Variants in GFM2 observed in about 807,000 individuals in gnomAD.
The protein encoded by GFM2 is GTP dependent ribosome recycling factor mitochondrial 2.
Under a neutral mutation model 95.4 loss-of-function variants are expected in GFM2, and 72 were observed. The ratio of observed to expected loss-of-function variants is 0.76; its 90% CI spans 0.62 to 0.92. GFM2 has a LOEUF of 0.92. GFM2 is among the 40% of genes least tolerant of loss of function. GFM2 has a pLI of 0.00. For missense variants in GFM2, 825 were observed against 924.1 expected, an observed-to-expected ratio of 0.89 and a Z score of 1.39; for synonymous variants, 276 against 317.5, an observed-to-expected ratio of 0.87 and a Z score of 1.39.
chr5:74,749,081 C>T (rs1422322916), intron 7 of GFM2, among the ~76,000 whole-genome samples: 1 of 151,456 alleles, frequency 6.6e-6, no homozygotes, highest in Non-Finnish European at 1.5e-5. Flanking sequence ...GCAATCAAGG[C>T]TCACTGCAGC....
intron 13 of GFM2, 31 bp from the exon 14 acceptor site, chr5:74,738,448 G>T (rs981113569): frequency 5.0e-6 from 8 of 1,610,640 alleles, no homozygotes; most frequent in Non-Finnish European, 6.8e-6. Flanking sequence ...GTTAGTAAAA[G>T]TATTTTTAAA....
intron 1 of GFM2, 33 bp from the exon 2 acceptor site, chr5:74,763,799 AAACTT>A: frequency 1.5e-6 from 2 of 1,296,266 alleles, no homozygotes; most frequent in Non-Finnish European, 2.2e-6. Context: ...TCAAAAAACT[AAACTT>A]ATGTATTACA....
At chr5:74,743,507 TATTA>T (rs1743215380) in intron 10 of GFM2, among the ~76,000 whole-genome samples, 1 of 152,304 alleles carries the variant, frequency 6.6e-6, no homozygotes, top group South Asian at 2.1e-4. Context: ...ATAATTAGCA[TATTA>T]TTAGCTACTG....
chr5:74,748,889 A>ATAAAT (rs1255377165), intron 7 of GFM2, among the ~76,000 whole-genome samples: 10 of 102,550 alleles, frequency 9.8e-5, no homozygotes, highest in Admixed American at 9.6e-4. Flanking sequence ...ATAAAATAAA[A>ATAAAT]TAAATAAAAT....
rs575347222 is a variant in GFM2 at position 74,736,924 on chromosome 5, G to C, written c.1382C>G (p.Ala461Gly). Reference sequence around the variant, plus strand: ...GTGCTTCTTTTCTCCCTCCCGTTCGGCTCTACGAGCTGCAGCTAATGCACT... The same window carrying C: ...GTGCTTCTTTTCTCCCTCCCGTTCGCCTCTACGAGCTGCAGCTAATGCACT... ...KSSALAAARR[A>G]EREGEKKHRQ... The change falls in exon 15 of 21, where the codon GCC (alanine) becomes GGC (glycine). Residue 461 changes from alanine to glycine, a missense_variant. Coordinates refer to ENST00000296805, the MANE Select transcript of GFM2 (RefSeq NM_032380.5). 9.3e-6 allele frequency: 15 copies of C among 1,613,664 alleles called. No individual in the cohort carries two copies. The South Asian group carries it at 1.6e-4, about 18-fold the overall frequency.
chr5:74,738,441 A>C, intron 13 of GFM2, 24 bp from the exon 14 acceptor site: 1 of 1,610,880 alleles, frequency 6.2e-7, no homozygotes, highest in Non-Finnish European at 8.5e-7. Flanking sequence ...ATTTTATGTT[A>C]GTAAAAGTAT....
At chr5:74,729,441 A>G (rs11743655) in intron 17 of GFM2, among the ~76,000 whole-genome samples, 54,480 of 152,088 alleles carry the variant, frequency 0.36, 12,993 homozygotes, top group African/African-American at 0.68. Flanking sequence ...TACTACTCCT[A>G]CTTCCTTTTT....
chr5:74,734,912 T>C (rs1157225434), intron 15 of GFM2, among the ~76,000 whole-genome samples: 1 of 152,194 alleles, frequency 6.6e-6, no homozygotes, highest in Non-Finnish European at 1.5e-5. Flanking sequence ...CCTAAAGTAG[T>C]TAAAGGCTTG....
chr5:74,721,257 GT>G lies in GFM2; in HGVS notation c.*397del. The G allele has an allele frequency of 1.2e-6, 1 of 868,906 alleles. No individual in the cohort carries two copies. The highest frequency in any genetic ancestry group is 2.5e-4 in the Middle Eastern group (1 of 4,062). The allele number at this position is 868,906 out of a possible 1,614,324, so 53.8% of individuals were successfully genotyped here. A position where few individuals can be genotyped will look rare whatever the true frequency, so the allele number is the denominator to read the frequency against. Reference sequence around the variant, plus strand: ...ATCATGTAAAATAAGATATTAGACTGTTTTTTGAATAAAATATTTTTATTGA... The same window carrying G: ...ATCATGTAAAATAAGATATTAGACTGTTTTTGAATAAAATATTTTTATTGA... On this transcript the variant is annotated 3_prime_UTR_variant, in exon 21 of 21. Transcript: ENST00000296805.
intron 14 of GFM2, among the ~76,000 whole-genome samples, chr5:74,737,653 G>T (rs1045536560): frequency 4.9e-4 from 75 of 152,086 alleles, no homozygotes; most frequent in African/African-American, 1.7e-3. Flanking sequence ...TCTACTGAAG[G>T]ATCTTCAAAC....
At chr5:74,762,221 C>T (rs540214614) in intron 2 of GFM2, among the ~76,000 whole-genome samples, 1 of 152,278 alleles carries the variant, frequency 6.6e-6, no homozygotes, top group Non-Finnish European at 1.5e-5. Context: ...AATGGTAAGG[C>T]TTCTTAAGGG....
At chr5:74,764,778 GTTTTTTTTTTTTTTT>G (rs757160377) in intron 1 of GFM2, among the ~76,000 whole-genome samples, 2 of 70,488 alleles carry the variant, frequency 2.8e-5, no homozygotes, top group South Asian at 1.1e-3. Flanking sequence ...TCCCTTTGTT[GTTTTTTTTTTTTTTT>G]TTTTTTTTTT....
intron 19 of GFM2, among the ~76,000 whole-genome samples, chr5:74,724,548 A>C (rs928792839): frequency 2.6e-5 from 4 of 152,036 alleles, no homozygotes; most frequent in African/African-American, 9.7e-5. Context: ...ACTACTTTGC[A>C]GGTAACATTT....
rs16872254 is a variant in GFM2 at position 74,763,550 on chromosome 5, G to C, written c.63+130C>G. 9.5e-3 allele frequency: 4,804 copies of C among 503,738 alleles called. 194 individuals carry two copies. The highest frequency in any genetic ancestry group is 0.083 in the African/African-American group (4,323 of 52,112). 31.2% of individuals were successfully genotyped at this position (503,738 alleles called of 1,614,324 possible). ...AGGTAATTACTTTCAAATTAGTTTA[G>C]CTTGAAGATTTCCAAAGGTTATGAC... is the stretch of plus-strand genomic sequence containing the variant. On this transcript the variant is annotated intron_variant, in intron 2 of 20. Coordinates refer to ENST00000296805, the MANE Select transcript of GFM2 (RefSeq NM_032380.5).
Position 74,748,684 on chromosome 5 carries a change from G to A in GFM2, c.520-904C>T, listed in dbSNP as rs1404044371. Among the ~76,000 whole-genome samples, 4 of 151,852 alleles carry A rather than the reference G, an allele frequency of 2.6e-5. No homozygotes were observed. In the East Asian group the frequency reaches 7.8e-4, roughly 30 times the overall value. On this transcript the variant is annotated intron_variant, in intron 7 of 20. Transcript: ENST00000296805. ...GTTCAAGACCAGCCTGGCCAACATG[G>A]TGAAACTCTGTCTCTACTAAAAATA...
intron 5 of GFM2, 25 bp from the exon 6 acceptor site, chr5:74,751,518 T>G (rs749393882): frequency 6.3e-7 from 1 of 1,582,108 alleles, no homozygotes; most frequent in Non-Finnish European, 8.7e-7. Context: ...GATGATACAG[T>G]TTAGTCTTAA....
At chr5:74,730,119 A>G in intron 17 of GFM2, 141 bp downstream of exon 17, 2 of 777,726 alleles carry the variant, frequency 2.6e-6, no homozygotes, top group Non-Finnish European at 1.9e-6. Context: ...AATCCTAAAA[A>G]AACAAAAAAA....
In GFM2 at chr5:74,741,559, A is replaced by C; in HGVS notation, c.900T>G (p.Ser300Arg). The C allele has an allele frequency of 2.5e-6, 4 of 1,582,712 alleles. No individual in the cohort carries two copies. The highest frequency in any genetic ancestry group is 3.5e-6 in the Non-Finnish European group (4 of 1,156,342). Residue 300 changes from serine to arginine, a missense_variant, in exon 11 of 21, where the codon AGT becomes AGG. By Grantham distance (110) the Ser-to-Arg change is moderately radical. Transcript: ENST00000296805. The part of the protein sequence containing the change: ...EFADLVLEEF[S>R]ENFDLLPAEK... ...CAGCTGGTAACAAATCAAAATTCTC[A>C]CTAAATTCTTCTAAAACCAAGTCAG...
chr5:74,733,302 G>A, intron 15 of GFM2: 2 of 419,848 alleles, frequency 4.8e-6, no homozygotes, highest in East Asian at 3.9e-5. Context: ...ACCAGCCTGG[G>A]CAACATGGCG....
Sources: allele counts gnomAD v4.1 joint callset (sites outside exome capture counted in the v4.1 genomes callset), GRCh38; gene constraint gnomAD v4.1.1; transcripts MANE v1.5; gene names NCBI Gene and HGNC (gene_info 2026-07-23, HGNC 2026-07-21).